Variants in PIK3C2G observed in about 807,000 individuals in gnomAD.
PIK3C2G encodes phosphatidylinositol 3-kinase C2 domain-containing subunit gamma.
A neutral mutation model predicts 181.1 loss-of-function variants in PIK3C2G; 168 were observed. The observed-to-expected ratio is 0.93, with a 90% confidence interval of 0.82 to 1.05. The LOEUF (loss-of-function observed/expected upper bound fraction) is 1.05, where lower values mean the gene tolerates loss of function less well. PIK3C2G is among the 50% of genes least tolerant of loss of function. PIK3C2G has a pLI of 0.00. For missense variants in PIK3C2G, 1,869 were observed against 1,732.8 expected (o/e 1.08, Z -1.40); for synonymous variants, 573 against 592.2 (o/e 0.97, Z 0.47).
At chr12:18,560,583 T>C (rs1192050657) in intron 26 of PIK3C2G, among the ~76,000 whole-genome samples, 2 of 151,544 alleles carry the variant, frequency 1.3e-5, no homozygotes, top group Non-Finnish European at 2.9e-5. Flanking sequence ...AGAGAGAAGG[T>C]AAAAACAGAG....
the PIK3C2G span, among the ~76,000 whole-genome samples, chr12:18,694,254 T>C: frequency 6.6e-6 from 1 of 152,074 alleles, no homozygotes; most frequent in Non-Finnish European, 1.5e-5. Context: ...AAGTGCCCAC[T>C]GGGTGGCCTG....
intron 12 of PIK3C2G, chr12:18,363,132 A>G (rs1423682009): frequency 9.9e-6 from 3 of 302,438 alleles, no homozygotes; most frequent in African/African-American, 6.6e-5. Flanking sequence ...GGAAATTGAA[A>G]AAAGAAGAAG....
rs1371859788 is a variant in PIK3C2G, at chr12:18,399,679, G to T, written c.2147G>T (p.Arg716Ile). The change falls in exon 16 of 33, where the codon AGA (arginine) becomes ATA (isoleucine). Residue 716 changes from arginine to isoleucine, a missense_variant. Coordinates refer to ENST00000538779, the MANE Select transcript of PIK3C2G (RefSeq NM_001288772.2). ...TTCAGACTCTCTGAAGAAAAGAAAA[G>T]ATATTTATGGTTTTATCGCTTCTAC... is the stretch of plus-strand genomic sequence containing the variant. ...TPLLLSEEKK[R>I]YLWFYRFYCN... 2.6e-6 allele frequency: 4 copies of T among 1,566,646 alleles called. No individual in the cohort carries two copies. The highest frequency in any genetic ancestry group is 3.5e-6 in the Non-Finnish European group (4 of 1,149,686).
intron 24 of PIK3C2G, among the ~76,000 whole-genome samples, chr12:18,519,569 G>A (rs553960320): frequency 4.5e-4 from 69 of 152,056 alleles, no homozygotes; most frequent in African/African-American, 1.5e-3. Flanking sequence ...CATTTACTTG[G>A]GAAGTTTACC....
At chr12:18,530,263 T>C (rs1373121070) in intron 24 of PIK3C2G, among the ~76,000 whole-genome samples, 1 of 152,230 alleles carries the variant, frequency 6.6e-6, no homozygotes, top group Non-Finnish European at 1.5e-5. Context: ...ATAGAAGACC[T>C]GTTTTTCCCT....
the PIK3C2G span, chr12:18,687,980 C>A: frequency 6.9e-7 from 1 of 1,446,124 alleles, no homozygotes; most frequent in South Asian, 1.2e-5. Context: ...AATGGAAAAC[C>A]CTTGTCTTAT....
chr12:18,667,338 A>C, the PIK3C2G span, among the ~76,000 whole-genome samples: 4 of 152,182 alleles, frequency 2.6e-5, no homozygotes, highest in African/African-American at 9.7e-5. Context: ...AGAAGTTAAC[A>C]GTCATCAACT....
At chr12:18,660,586 C>T in the PIK3C2G span, among the ~76,000 whole-genome samples, 1 of 152,092 alleles carries the variant, frequency 6.6e-6, no homozygotes. Context: ...AAGGTATAGA[C>T]TCAGAAATGA....
intron 9 of PIK3C2G, among the ~76,000 whole-genome samples, chr12:18,342,390 C>T (rs972074723): frequency 5.3e-5 from 8 of 151,968 alleles, no homozygotes; most frequent in Admixed American, 4.6e-4. Flanking sequence ...AATACTGTAA[C>T]AATTTTTTTG....
At chr12:18,364,119 T>C (rs1941467936) in intron 12 of PIK3C2G, among the ~76,000 whole-genome samples, 1 of 152,154 alleles carries the variant, frequency 6.6e-6, no homozygotes, top group African/African-American at 2.4e-5. Flanking sequence ...CATCTTTACC[T>C]CTAGAATTAA....
chr12:18,410,440 G>A (rs1944796339), intron 16 of PIK3C2G, among the ~76,000 whole-genome samples: 1 of 151,568 alleles, frequency 6.6e-6, no homozygotes, highest in African/African-American at 2.4e-5. Context: ...AGGAGGTGGA[G>A]GTTGCAGTGA....
chr12:18,655,858 T>G, the PIK3C2G span, among the ~76,000 whole-genome samples: 1 of 152,122 alleles, frequency 6.6e-6, no homozygotes, highest in South Asian at 2.1e-4. Flanking sequence ...AAAGAATGCC[T>G]GAGAAACTGT....
intron 5 of PIK3C2G, among the ~76,000 whole-genome samples, chr12:18,307,976 G>A (rs1004126041): frequency 6.6e-6 from 1 of 151,716 alleles, no homozygotes; most frequent in Non-Finnish European, 1.5e-5. Context: ...TCATTGAGAT[G>A]TTTCACATTA....
intron 18 of PIK3C2G, among the ~76,000 whole-genome samples, chr12:18,445,479 T>C (rs1455419037): frequency 6.6e-6 from 1 of 152,002 alleles, no homozygotes; most frequent in Non-Finnish European, 1.5e-5. Context: ...GAATCGCAAA[T>C]TGAAGATGGA....
the PIK3C2G span, among the ~76,000 whole-genome samples, chr12:18,720,004 C>T: frequency 6.6e-6 from 1 of 152,078 alleles, no homozygotes; most frequent in East Asian, 1.9e-4. Context: ...CTCCGACTAA[C>T]TTCCCAGTCA....
chr12:18,328,484 A>G (rs1951445287), intron 8 of PIK3C2G, among the ~76,000 whole-genome samples: 2 of 152,012 alleles, frequency 1.3e-5, no homozygotes, highest in South Asian at 2.1e-4. Flanking sequence ...AAGCAAATCT[A>G]TTGTTAGACT....
At chr12:18,446,546 T>TG (rs1489104803) in intron 18 of PIK3C2G, among the ~76,000 whole-genome samples, 1 of 152,126 alleles carries the variant, frequency 6.6e-6, no homozygotes, top group Non-Finnish European at 1.5e-5. Flanking sequence ...CCATACCGTG[T>TG]GATTTTTCTC....
chr12:18,620,429 G>T (rs1407162131), intron 31 of PIK3C2G, among the ~76,000 whole-genome samples: 1 of 151,872 alleles, frequency 6.6e-6, no homozygotes, highest in African/African-American at 2.4e-5. Context: ...TATTAGCATG[G>T]TATAGCTTTT....
intron 19 of PIK3C2G, among the ~76,000 whole-genome samples, chr12:18,489,263 A>G (rs1300227879): frequency 2.6e-5 from 4 of 152,080 alleles, no homozygotes; most frequent in African/African-American, 7.2e-5. Flanking sequence ...GCAGGGAGAA[A>G]GGGGACATTC....
Sources: gnomAD v4.1 joint callset for allele counts (sites outside exome capture counted in the v4.1 genomes callset) on GRCh38, gnomAD v4.1.1 for gene constraint, MANE v1.5 for transcripts, NCBI Gene and HGNC (gene_info 2026-07-23, HGNC 2026-07-21) for gene names.